Variants in RAB6A observed in about 807,000 individuals in gnomAD.
RAB6A encodes the protein RAB6A, member RAS oncogene family.
In RAB6A, 8 loss-of-function variants were observed where a neutral mutation model predicts 32.3. That is an observed-to-expected ratio of 0.25 (90% CI 0.15 to 0.45). RAB6A has a LOEUF of 0.45. Among genes scored for constraint, RAB6A ranks in the 20% least tolerant of loss-of-function variants. RAB6A has a pLI of 1.00. For synonymous variants in RAB6A, 73 were observed against 82.1 expected, an observed-to-expected ratio of 0.89 and a Z score of 0.60; for missense variants, 104 against 249.4, an observed-to-expected ratio of 0.42 and a Z score of 3.93.
intron 6 of RAB6A, among the ~76,000 whole-genome samples, chr11:73,684,252 T>A (rs1399959550): frequency 6.8e-5 from 10 of 148,024 alleles, no homozygotes; most frequent in African/African-American, 2.5e-4. Flanking sequence ...TACCGCAACC[T>A]CTGCCTCCCA....
chr11:73,736,809 GAAAAAA>G (rs756237159), intron 1 of RAB6A, among the ~76,000 whole-genome samples: 1 of 108,770 alleles, frequency 9.2e-6, no homozygotes, highest in Non-Finnish European at 1.7e-5. Context: ...AAAAAAAAAA[GAAAAAA>G]AAAAAAAAAA....
At position 73,754,934 on chromosome 11, in the gene RAB6A, A is replaced by T. The variant is rs549883896; in HGVS notation, c.70+5632T>A. Reference sequence around the variant, plus strand: ...CAATGGGTTTATTATTATTATTATTATTTTTTTGAGATGGAGTTTTGCTCG... The same window carrying T: ...CAATGGGTTTATTATTATTATTATTTTTTTTTTGAGATGGAGTTTTGCTCG... On this transcript the variant is annotated intron_variant, in intron 1 of 7. Coordinates refer to ENST00000336083, the MANE Select transcript of RAB6A (RefSeq NM_198896.2). Among the ~76,000 whole-genome samples, 865 of 149,768 alleles carry T rather than the reference A, an allele frequency of 5.8e-3. 6 individuals carry two copies. The highest frequency in any genetic ancestry group is 8.1e-3 in the African/African-American group (333 of 41,202).
At chr11:73,685,805 A>T (rs994702048) in intron 6 of RAB6A, among the ~76,000 whole-genome samples, 6 of 143,396 alleles carry the variant, frequency 4.2e-5, no homozygotes, top group African/African-American at 1.6e-4. Context: ...GAATCGCTTG[A>T]ACCGGGGAGG....
chr11:73,697,512 T>C, intron 6 of RAB6A, among the ~76,000 whole-genome samples: 1 of 152,100 alleles, frequency 6.6e-6, no homozygotes, highest in African/African-American at 2.4e-5. Context: ...CACACTCGGC[T>C]GATTTTCGTA....
chr11:73,759,936 CA>C (rs1177707277), intron 1 of RAB6A: 2 of 995,110 alleles, frequency 2.0e-6, no homozygotes, highest in Non-Finnish European at 2.7e-6. Flanking sequence ...CTTTCACCCC[CA>C]ACCACCCCAT....
intron 5 of RAB6A, among the ~76,000 whole-genome samples, chr11:73,715,273 C>T (rs1946035641): frequency 6.6e-6 from 1 of 152,064 alleles, no homozygotes. Context: ...ATTACAGGTG[C>T]ATGCCACAGC....
At chr11:73,723,593 T>TC (rs1239144023) in intron 2 of RAB6A, among the ~76,000 whole-genome samples, 6 of 152,162 alleles carry the variant, frequency 3.9e-5, no homozygotes, top group Non-Finnish European at 7.3e-5. Flanking sequence ...CCTCCCAAAG[T>TC]GCTGGGATTA....
intron 5 of RAB6A, among the ~76,000 whole-genome samples, 200 bp downstream of exon 5, chr11:73,716,051 A>T (rs1946047400): frequency 6.6e-6 from 1 of 152,250 alleles, no homozygotes; most frequent in Non-Finnish European, 1.5e-5. Flanking sequence ...GGGCTTAAAC[A>T]AAATAAAATT....
chr11:73,734,391 G>A (rs1946362576), intron 1 of RAB6A, among the ~76,000 whole-genome samples: 2 of 152,112 alleles, frequency 1.3e-5, no homozygotes, highest in Admixed American at 1.3e-4. Flanking sequence ...CCCCCAAAGA[G>A]CTGGGATTAC....
chr11:73,714,647 GCGAGACTC>G (rs911352485), intron 5 of RAB6A, among the ~76,000 whole-genome samples: 7 of 150,978 alleles, frequency 4.6e-5, no homozygotes, highest in Non-Finnish European at 1.0e-4. Flanking sequence ...AGGTGACAAT[GCGAGACTC>G]CAACTCAAAA....
At chr11:73,746,021 T>G (rs549051362) in intron 1 of RAB6A, among the ~76,000 whole-genome samples, 1 of 147,468 alleles carries the variant, frequency 6.8e-6, no homozygotes, top group Non-Finnish European at 1.5e-5. Context: ...AAGAAAGAAA[T>G]AGAGATACAA....
chr11:73,710,262 G>A (rs1285594498), intron 5 of RAB6A, among the ~76,000 whole-genome samples: 1 of 150,134 alleles, frequency 6.7e-6, no homozygotes, highest in African/African-American at 2.4e-5. Context: ...CACCGCGCCC[G>A]GCCCCCATGC....
rs117864469 is a variant in RAB6A, at chr11:73,732,822, T to C, written c.71-1999A>G. 9.1e-3 allele frequency among the ~76,000 whole-genome samples: 1,385 copies of C among 151,958 alleles called. 15 individuals are homozygous for C. The highest frequency in any genetic ancestry group is 0.034 in the Middle Eastern group (10 of 294). On this transcript the variant is annotated intron_variant, in intron 1 of 7. Transcript: ENST00000336083. Reference sequence around the variant, plus strand: ...CCTTTCTCCTCAGTGATTTTCTTTTTTTTCCCCCGAGACGATGTCTTGCTC... The same window carrying C: ...CCTTTCTCCTCAGTGATTTTCTTTTCTTTCCCCCGAGACGATGTCTTGCTC...
intron 7 of RAB6A, among the ~76,000 whole-genome samples, chr11:73,678,627 G>A (rs1197863131): frequency 6.6e-6 from 1 of 151,744 alleles, no homozygotes; most frequent in Non-Finnish European, 1.5e-5. Flanking sequence ...AAAAAAAAAC[G>A]GCGGTGGGCG....
intron 5 of RAB6A, among the ~76,000 whole-genome samples, chr11:73,708,060 CTATT>C (rs1447196885): frequency 1.3e-5 from 2 of 152,178 alleles, no homozygotes; most frequent in Admixed American, 1.3e-4. Context: ...CATTCCCAAA[CTATT>C]AGAATGCAAG....
chr11:73,745,991 C>A (rs1471555470), intron 1 of RAB6A, among the ~76,000 whole-genome samples: 1 of 151,240 alleles, frequency 6.6e-6, no homozygotes, highest in African/African-American at 2.4e-5. Context: ...GAGTGAGACT[C>A]CATCTCAAAA....
chr11:73,730,161 G>A (rs1178976726), intron 2 of RAB6A: 1 of 152,088 alleles, frequency 6.6e-6, no homozygotes, highest in Non-Finnish European at 1.5e-5. Flanking sequence ...TCCTTCTGTC[G>A]CTTTGGGTTT....
intron 6 of RAB6A, among the ~76,000 whole-genome samples, chr11:73,686,323 A>C (rs1274061576): frequency 6.6e-6 from 1 of 152,152 alleles, no homozygotes; most frequent in East Asian, 1.9e-4. Context: ...TGGGAGGCAA[A>C]GGTGGGGGGA....
chr11:73,701,309 C>T (rs6592531), intron 6 of RAB6A, among the ~76,000 whole-genome samples: 121,014 of 152,142 alleles, frequency 0.8, 48,361 homozygotes, highest in East Asian at 0.86. Context: ...TACAAACATA[C>T]ACAGCTGAGA....
Sources: allele counts gnomAD v4.1 joint callset (sites outside exome capture counted in the v4.1 genomes callset), GRCh38; gene constraint gnomAD v4.1.1; transcripts MANE v1.5; gene names NCBI Gene and HGNC (gene_info 2026-07-23, HGNC 2026-07-21).